Variants in STK32B observed in about 807,000 individuals in gnomAD.
STK32B encodes the protein serine/threonine-protein kinase 32B.
STK32B carries 43 observed loss-of-function variants against 52.6 expected under a neutral mutation model. The observed-to-expected ratio is 0.82, with a 90% confidence interval of 0.64 to 1.05. STK32B has a LOEUF of 1.05. STK32B is among the 50% of genes least tolerant of loss of function. The pLI is 0.00. For missense variants in STK32B, 621 were observed against 534.6 expected, an observed-to-expected ratio of 1.16 and a Z score of -1.59; for synonymous variants, 238 against 204.3, an observed-to-expected ratio of 1.17 and a Z score of -1.41.
the STK32B span, among the ~76,000 whole-genome samples, chr4:5,025,915 A>C: frequency 6.6e-6 from 1 of 152,186 alleles, no homozygotes; most frequent in Admixed American, 6.5e-5. Flanking sequence ...ACATTACCAC[A>C]ATGTGAAGTA....
intron 3 of STK32B, among the ~76,000 whole-genome samples, chr4:5,308,650 T>C (rs1342154040): frequency 1.3e-5 from 2 of 152,170 alleles, no homozygotes; most frequent in Non-Finnish European, 2.9e-5. Context: ...AGGGACATGA[T>C]TCCTTTTACT....
chr4:5,121,799 C>T (rs1436979285), intron 1 of STK32B, among the ~76,000 whole-genome samples: 1 of 151,366 alleles, frequency 6.6e-6, no homozygotes, highest in Non-Finnish European at 1.5e-5. Context: ...GCTGTGACAG[C>T]TAAGGAGACT....
chr4:5,290,954 C>A (rs1447100418), intron 3 of STK32B, among the ~76,000 whole-genome samples: 1 of 152,062 alleles, frequency 6.6e-6, no homozygotes, highest in African/African-American at 2.4e-5. Flanking sequence ...AGGCTGCATT[C>A]TTTCCCCTAT....
At chr4:5,106,541 T>A (rs1162520843) in intron 1 of STK32B, among the ~76,000 whole-genome samples, 1 of 152,188 alleles carries the variant, frequency 6.6e-6, no homozygotes, top group Non-Finnish European at 1.5e-5. Flanking sequence ...TAGAGGTCTT[T>A]ATCACACTTA....
chr4:5,116,849 A>G (rs998042537), intron 1 of STK32B, among the ~76,000 whole-genome samples: 1 of 151,596 alleles, frequency 6.6e-6, no homozygotes, highest in Admixed American at 6.6e-5. Flanking sequence ...TCAGTGTACA[A>G]ATGTTTCACT....
chr4:5,434,942 A>G (rs1330428083), intron 6 of STK32B, among the ~76,000 whole-genome samples: 4 of 152,192 alleles, frequency 2.6e-5, no homozygotes, highest in African/African-American at 9.6e-5. Flanking sequence ...CCTTAAAGTT[A>G]TAAGACTGAC....
In STK32B at chr4:5,290,242, C is replaced by T. The variant is rs539806701; in HGVS notation, c.261-40978C>T. On this transcript the variant is annotated intron_variant, in intron 3 of 11. Coordinates refer to ENST00000282908, the MANE Select transcript of STK32B (RefSeq NM_018401.3). Reference sequence around the variant, plus strand: ...TTTACTTTCTTCAATAATAAATCGACGTTAGTATACTGTAACATTTTTAAC... The same window carrying T: ...TTTACTTTCTTCAATAATAAATCGATGTTAGTATACTGTAACATTTTTAAC... 7.1e-4 allele frequency among the ~76,000 whole-genome samples: 108 copies of T among 151,242 alleles called. 1 individual carries two copies. Among genetic ancestry groups the T allele is most frequent in the Admixed American group, 1.2e-3 (19 of 15,246 alleles).
intron 3 of STK32B, among the ~76,000 whole-genome samples, chr4:5,229,319 T>A (rs1724093275): frequency 6.6e-6 from 1 of 152,148 alleles, no homozygotes; most frequent in South Asian, 2.1e-4. Flanking sequence ...ACTGTTTGGG[T>A]TATAGCTATA....
chr4:5,257,128 T>G (rs945322533), intron 3 of STK32B, among the ~76,000 whole-genome samples: 3 of 151,924 alleles, frequency 2.0e-5, no homozygotes, highest in African/African-American at 7.3e-5. Flanking sequence ...TGAGGGTGAA[T>G]GAGTGAGTGG....
intron 3 of STK32B, among the ~76,000 whole-genome samples, chr4:5,213,429 C>G (rs1723014681): frequency 6.6e-6 from 1 of 152,246 alleles, no homozygotes; most frequent in Admixed American, 6.5e-5. Flanking sequence ...AGATTCCTTT[C>G]TGTTGGGATT....
chr4:5,382,738 T>C (rs1736011860), intron 4 of STK32B, among the ~76,000 whole-genome samples: 2 of 152,214 alleles, frequency 1.3e-5, no homozygotes, highest in Admixed American at 1.3e-4. Context: ...GTTTGATGTA[T>C]TCATTAAGCT....
At chr4:5,156,919 C>T (rs1439080609) in intron 2 of STK32B, among the ~76,000 whole-genome samples, 1 of 152,004 alleles carries the variant, frequency 6.6e-6, no homozygotes, top group Non-Finnish European at 1.5e-5. Flanking sequence ...CATATTATTA[C>T]TTGTCTCATT....
chr4:5,021,166 T>C, the STK32B span, among the ~76,000 whole-genome samples: 3 of 152,218 alleles, frequency 2.0e-5, no homozygotes, highest in Non-Finnish European at 4.4e-5. Context: ...CGACCTGGCC[T>C]CCATTCCCTG....
chr4:5,436,973 G>A (rs1322418726), intron 6 of STK32B, among the ~76,000 whole-genome samples: 1 of 152,206 alleles, frequency 6.6e-6, no homozygotes, highest in Admixed American at 6.5e-5. Context: ...TGGCATCAGG[G>A]TGAAAGAGCC....
intron 2 of STK32B, among the ~76,000 whole-genome samples, chr4:5,141,410 C>G (rs918780800): frequency 2.6e-5 from 4 of 152,162 alleles, no homozygotes; most frequent in Non-Finnish European, 5.9e-5. Context: ...GGCTTCCAGG[C>G]AATGGGAGTG....
At chr4:5,423,735 G>T (rs1019270375) in intron 6 of STK32B, among the ~76,000 whole-genome samples, 1 of 152,190 alleles carries the variant, frequency 6.6e-6, no homozygotes, top group Non-Finnish European at 1.5e-5. Flanking sequence ...TGCATTGTCA[G>T]TGCTCACCAA....
At chr4:5,137,246 C>T (rs187829546) in intron 1 of STK32B, among the ~76,000 whole-genome samples, 2 of 152,290 alleles carry the variant, frequency 1.3e-5, no homozygotes, top group African/African-American at 4.8e-5. Context: ...GACTTTCCCA[C>T]CTGGCCAATG....
chr4:5,471,632 C>T (rs1225291930), intron 11 of STK32B, among the ~76,000 whole-genome samples: 1 of 152,098 alleles, frequency 6.6e-6, no homozygotes, highest in Admixed American at 6.6e-5. Flanking sequence ...AATACAGCTC[C>T]CTAATCCATT....
chr4:5,338,887 A>C (rs1025956478), intron 4 of STK32B, among the ~76,000 whole-genome samples: 1 of 152,232 alleles, frequency 6.6e-6, no homozygotes, highest in Admixed American at 6.5e-5. Flanking sequence ...AAGGATGCCC[A>C]GAGTGCTGGT....
Sources: gnomAD v4.1 joint callset for allele counts (sites outside exome capture counted in the v4.1 genomes callset) on GRCh38, gnomAD v4.1.1 for gene constraint, MANE v1.5 for transcripts, NCBI Gene and HGNC (gene_info 2026-07-23, HGNC 2026-07-21) for gene names.